MCMBP: variants seen among roughly 807,000 people sequenced by gnomAD.
The protein encoded by MCMBP is mini-chromosome maintenance complex-binding protein.
Under a neutral mutation model 81.3 loss-of-function variants are expected in MCMBP, and 31 were observed. The observed-to-expected ratio is 0.38, with a 90% CI of 0.29 to 0.51. The LOEUF is 0.51. Ranked by LOEUF, MCMBP falls within the 20% of genes least tolerant of loss-of-function variation. The pLI is 0.87. For missense variants in MCMBP, 645 were observed against 772.1 expected, an observed-to-expected ratio of 0.84 and a Z score of 1.95; for synonymous variants, 267 against 275.9, an observed-to-expected ratio of 0.97 and a Z score of 0.32.
intron 11 of MCMBP, among the ~76,000 whole-genome samples, chr10:119,839,483 C>T (rs1356838119): frequency 6.6e-6 from 1 of 152,038 alleles, no homozygotes; most frequent in Non-Finnish European, 1.5e-5. Context: ...TCTAAGAAAA[C>T]GGGGAGCTTA....
At chr10:119,843,168 A>G (rs748166511) in intron 9 of MCMBP, 86 bp downstream of exon 9, 9 of 1,467,058 alleles carry the variant, frequency 6.1e-6, no homozygotes, top group African/African-American at 1.4e-5. Context: ...CTGACTCTCA[A>G]TTCCACTATG....
At chr10:119,860,349 G>A (rs1853208189) in intron 1 of MCMBP, among the ~76,000 whole-genome samples, 1 of 152,148 alleles carries the variant, frequency 6.6e-6, no homozygotes, top group Non-Finnish European at 1.5e-5. Flanking sequence ...ATTCAAAAAA[G>A]TTGGAAAGAA....
rs1853726471 is a variant in MCMBP at position 119,872,536 on chromosome 10, C to T, written c.49G>A (p.Gly17Arg). The T allele has an allele frequency of 1.7e-6, 2 of 1,194,014 alleles. No individual in the cohort carries two copies. The highest frequency in any genetic ancestry group is 1.0e-6 in the Non-Finnish European group (1 of 956,632). 74.0% of individuals were successfully genotyped at this position (1,194,014 alleles called of 1,614,324 possible). A position where few individuals can be genotyped will look rare whatever the true frequency, so the allele number is the denominator to read the frequency against. The part of the protein sequence containing the change: ...WLSHPLGIVQ[G>R]FFAQNGVNPD... ...CGGCGCCGCCACTCACCGAAGAATC[C>T]CTGCACGATTCCCAGCGGGTGGCTG... Residue 17 changes from glycine (G) to arginine (R), a missense_variant, in exon 1 of 16, where the codon GGA becomes AGA. Physicochemically the swap from Gly to Arg is moderately radical, Grantham distance 125. Transcript: ENST00000369077.
intron 1 of MCMBP, among the ~76,000 whole-genome samples, chr10:119,864,006 T>TAA (rs528533846): frequency 3.4e-4 from 49 of 144,812 alleles, no homozygotes; most frequent in African/African-American, 8.3e-4. Flanking sequence ...CAGTTGAACT[T>TAA]AAAAAAAAAA....
rs138139742 is a variant in MCMBP at position 119,854,540 on chromosome 10, A to AAAATAAATAAAT, written c.430-1358_430-1347dup. ...CAACAAAGGGAGAGACCCTGTCTCAAAAATAAATAAATAAATAAATAAATA... is the reference window on the plus strand; with the variant it reads ...CAACAAAGGGAGAGACCCTGTCTCAAAAATAAATAAATAAATAAATAAATAAATAAATAAATA... On this transcript the variant is annotated intron_variant, in intron 5 of 15. Transcript: ENST00000369077. Among the ~76,000 whole-genome samples the AAAATAAATAAAT allele has an allele frequency of 3.2e-3, 451 of 140,744 alleles. 4 individuals are homozygous for AAAATAAATAAAT. The highest frequency in any genetic ancestry group is 6.9e-3 in the Middle Eastern group (2 of 290). 92.3% of individuals were successfully genotyped at this position (140,744 alleles called of 152,430 possible).
At chr10:119,867,347 G>A (rs35657698) in intron 1 of MCMBP, among the ~76,000 whole-genome samples, 7,984 of 145,458 alleles carry the variant, frequency 0.055, 408 homozygotes, top group South Asian at 0.28. Context: ...GAGGGAGCAC[G>A]TACTTTCACT....
At chr10:119,849,059 A>C (rs1214954687) in intron 7 of MCMBP, among the ~76,000 whole-genome samples, 1 of 152,170 alleles carries the variant, frequency 6.6e-6, no homozygotes, top group African/African-American at 2.4e-5. Context: ...GGATTCTTAA[A>C]ATTGGGGAAA....
Position 119,830,237 on chromosome 10 carries a change from T to C in MCMBP, c.*1237A>G, listed in dbSNP as rs1180357730. 1 of 152,610 alleles carries C rather than the reference T, an allele frequency of 6.6e-6. No homozygotes were observed. Among genetic ancestry groups the C allele is most frequent in the Non-Finnish European group, 1.5e-5 (1 of 68,034 alleles). 9.5% of individuals were successfully genotyped at this position (152,610 alleles called of 1,614,324 possible). A position where few individuals can be genotyped will look rare whatever the true frequency, so the allele number is the denominator to read the frequency against. ...ATAGGAAAAAACGTAAGGGATCCTT[T>C]ATCTGCCTCCAACTAGGTAAGTTAT... On this transcript the variant is annotated 3_prime_UTR_variant, in exon 16 of 16. Transcript: ENST00000369077.
chr10:119,850,866 C>T (rs1315024123), intron 6 of MCMBP, among the ~76,000 whole-genome samples: 1 of 143,314 alleles, frequency 7.0e-6, no homozygotes, highest in East Asian at 2.2e-4. Flanking sequence ...AAAAGGTATA[C>T]AAGATCTGTT....
intron 11 of MCMBP, among the ~76,000 whole-genome samples, chr10:119,839,442 T>A (rs1376313944): frequency 6.6e-6 from 1 of 152,106 alleles, no homozygotes; most frequent in Admixed American, 6.5e-5. Context: ...TTGCGAAAAT[T>A]TAGAGGAGTT....
intron 1 of MCMBP, among the ~76,000 whole-genome samples, chr10:119,867,115 A>G (rs989943447): frequency 6.6e-6 from 1 of 151,802 alleles, no homozygotes; most frequent in Non-Finnish European, 1.5e-5. Context: ...CAACACGGTG[A>G]AGCCCCGACT....
In MCMBP at chr10:119,830,091, ATT is replaced by A. The variant is rs1404955449; in HGVS notation, c.*1381_*1382del. On this transcript the variant is annotated 3_prime_UTR_variant, in exon 16 of 16. Coordinates refer to ENST00000369077, the MANE Select transcript of MCMBP (RefSeq NM_001256378.2). ...TATTTACATTTGTTTATAAAAATAG[ATT>A]TGAGTTTAGGAAAAGTTGAACAACT... is the stretch of plus-strand genomic sequence containing the variant. The A allele has an allele frequency of 1.3e-5, 2 of 152,634 alleles. No individual in the cohort carries two copies. Among genetic ancestry groups the A allele is most frequent in the African/African-American group, 4.8e-5 (2 of 41,452 alleles). The allele number at this position is 152,634 out of a possible 1,614,324, so 9.5% of individuals were successfully genotyped here. A position where few individuals can be genotyped will look rare whatever the true frequency, so the allele number is the denominator to read the frequency against.
intron 13 of MCMBP, 80 bp downstream of exon 13, chr10:119,836,816 T>A: frequency 1.2e-4 from 48 of 413,084 alleles, no homozygotes; most frequent in East Asian, 2.0e-4. Context: ...AACTTATTAA[T>A]AAGCGGTACC....
At chr10:119,872,223 G>A (rs1160649161) in intron 1 of MCMBP, among the ~76,000 whole-genome samples, 2 of 152,022 alleles carry the variant, frequency 1.3e-5, no homozygotes, top group Non-Finnish European at 2.9e-5. Context: ...CCCTGCCACA[G>A]GCTGGGAGCG....
chr10:119,835,496 T>G lies in MCMBP; in HGVS notation c.1707+44A>C, dbSNP rs755684944. The G allele has an allele frequency of 1.2e-5, 18 of 1,535,124 alleles. No individual in the cohort carries two copies. In the Admixed American group the frequency reaches 2.8e-4, roughly 24 times the overall value. ...TGGTAAATGTAAATTGGTTGCATAC[T>G]GCAATTCAACACAGGGAAATCCTTT... On this transcript the variant is annotated intron_variant, in intron 14 of 15. Transcript: ENST00000369077.
intron 1 of MCMBP, among the ~76,000 whole-genome samples, chr10:119,865,333 C>A (rs775950910): frequency 6.6e-6 from 1 of 152,110 alleles, no homozygotes; most frequent in African/African-American, 2.4e-5. Flanking sequence ...GGCTTATGCC[C>A]GTAATCCCAG....
intron 5 of MCMBP, among the ~76,000 whole-genome samples, chr10:119,853,594 G>C (rs1852910181): frequency 6.6e-6 from 1 of 152,188 alleles, no homozygotes; most frequent in Non-Finnish European, 1.5e-5. Context: ...CAGAGCACAT[G>C]GTTCAGGGCT....
chr10:119,866,370 A>C (rs1009488379), intron 1 of MCMBP, among the ~76,000 whole-genome samples: 13 of 152,200 alleles, frequency 8.5e-5, no homozygotes, highest in African/African-American at 2.9e-4. Flanking sequence ...TCATGCCTGT[A>C]ATCCCAACAC....
intron 7 of MCMBP, 121 bp downstream of exon 7, chr10:119,849,304 A>C (rs1421138239): frequency 9.8e-7 from 1 of 1,023,678 alleles, no homozygotes; most frequent in Non-Finnish European, 1.4e-6. Context: ...TAGGCTATTA[A>C]ATTTGCAGTG....
Sources: allele counts gnomAD v4.1 joint callset (sites outside exome capture counted in the v4.1 genomes callset), GRCh38; gene constraint gnomAD v4.1.1; transcripts MANE v1.5; gene names NCBI Gene and HGNC (gene_info 2026-07-23, HGNC 2026-07-21).